Variants in SGCD observed in about 807,000 individuals in gnomAD.
SGCD encodes delta-sarcoglycan.
A neutral mutation model predicts 36.6 loss-of-function variants in SGCD; 18 were observed. That is an observed-to-expected ratio of 0.49 (90% CI 0.34 to 0.73). The LOEUF (loss-of-function observed/expected upper bound fraction) is 0.73. Ranked by LOEUF, SGCD falls within the 30% of genes least tolerant of loss-of-function variation. The pLI is 0.01. For missense variants in SGCD, 387 were observed against 346.7 expected (o/e 1.12, Z -0.92); for synonymous variants, 133 against 130.6 (o/e 1.02, Z -0.12).
intron 3 of SGCD, among the ~76,000 whole-genome samples, chr5:156,314,846 T>G (rs1412997113): frequency 6.6e-6 from 1 of 152,024 alleles, no homozygotes; most frequent in Non-Finnish European, 1.5e-5. Flanking sequence ...TTCCATTCAG[T>G]GCTTTATAAT....
chr5:156,132,925 GA>G (rs1762363113), intron 3 of SGCD, among the ~76,000 whole-genome samples: 2 of 152,198 alleles, frequency 1.3e-5, no homozygotes, highest in African/African-American at 4.8e-5. Context: ...GATTTCTTGT[GA>G]AAAGAGAAGA....
chr5:156,187,948 T>C (rs751404438), intron 3 of SGCD, among the ~76,000 whole-genome samples: 4 of 152,084 alleles, frequency 2.6e-5, no homozygotes, highest in Non-Finnish European at 5.9e-5. Context: ...TGGTGAGAAA[T>C]ATGTGTTCTT....
chr5:156,298,376 C>A (rs886535183), intron 3 of SGCD, among the ~76,000 whole-genome samples: 1 of 152,012 alleles, frequency 6.6e-6, no homozygotes, highest in Admixed American at 6.6e-5. Context: ...TTTACATTCC[C>A]ACCAACAGTG....
At chr5:156,147,053 A>C (rs1258429197) in intron 3 of SGCD, among the ~76,000 whole-genome samples, 1 of 152,204 alleles carries the variant, frequency 6.6e-6, no homozygotes, top group Non-Finnish European at 1.5e-5. Flanking sequence ...AATTAATGAA[A>C]ATAATAAGAA....
At chr5:156,444,115 T>TCTCTCTCTCC (rs1561699451) in intron 3 of SGCD, among the ~76,000 whole-genome samples, 1 of 72,798 alleles carries the variant, frequency 1.4e-5, no homozygotes, top group Non-Finnish European at 2.7e-5. Context: ...TCTCTCTCTC[T>TCTCTCTCTCC]CCCCTTCCCT....
At chr5:156,700,475 G>A (rs1356476351) in intron 7 of SGCD, among the ~76,000 whole-genome samples, 1 of 152,038 alleles carries the variant, frequency 6.6e-6, no homozygotes, top group Non-Finnish European at 1.5e-5. Context: ...CAGTTACCAG[G>A]ATAAACTGGC....
At chr5:156,000,799 C>CATATATAT (rs145379741) in intron 1 of SGCD, among the ~76,000 whole-genome samples, 1 of 145,212 alleles carries the variant, frequency 6.9e-6, no homozygotes, top group African/African-American at 2.7e-5. Flanking sequence ...TTTCCTCACA[C>CATATATAT]ATATATATAT....
At chr5:156,301,332 CTACT>C (rs1345275086) in intron 3 of SGCD, among the ~76,000 whole-genome samples, 1 of 151,994 alleles carries the variant, frequency 6.6e-6, no homozygotes, top group Non-Finnish European at 1.5e-5. Flanking sequence ...AAACTGATGA[CTACT>C]TAATGATTAC....
intron 1 of SGCD, among the ~76,000 whole-genome samples, chr5:155,886,988 T>C (rs972394565): frequency 6.6e-6 from 1 of 152,202 alleles, no homozygotes; most frequent in Non-Finnish European, 1.5e-5. Flanking sequence ...CTCTGCCATC[T>C]GAAACCTCCT....
At chr5:156,666,940 G>T (rs1753067357) in intron 7 of SGCD, among the ~76,000 whole-genome samples, 1 of 152,066 alleles carries the variant, frequency 6.6e-6, no homozygotes, top group Non-Finnish European at 1.5e-5. Flanking sequence ...GAGTGACTTT[G>T]TCTCAAAAAC....
chr5:155,951,908 C>A (rs1269769419), intron 1 of SGCD, among the ~76,000 whole-genome samples: 4 of 152,160 alleles, frequency 2.6e-5, no homozygotes, highest in African/African-American at 7.2e-5. Flanking sequence ...CTAATGAACC[C>A]ATATGTCCTC....
chr5:156,279,246 T>A (rs1185308959), intron 3 of SGCD, among the ~76,000 whole-genome samples: 1 of 152,208 alleles, frequency 6.6e-6, no homozygotes, highest in African/African-American at 2.4e-5. Flanking sequence ...AGTTCTTTTT[T>A]GTAAGTTTCT....
intron 3 of SGCD, among the ~76,000 whole-genome samples, chr5:156,437,590 A>T (rs1208497169): frequency 1.3e-5 from 2 of 152,182 alleles, no homozygotes; most frequent in Non-Finnish European, 2.9e-5. Context: ...TGATTGAACA[A>T]TGCAAACAGT....
At chr5:156,640,717 A>G (rs1015880776) in intron 6 of SGCD, among the ~76,000 whole-genome samples, 2 of 152,348 alleles carry the variant, frequency 1.3e-5, no homozygotes, top group South Asian at 2.1e-4. Context: ...TAGGCTCTAC[A>G]TAAATATTTG....
chr5:155,996,510 G>A (rs902435240), intron 1 of SGCD, among the ~76,000 whole-genome samples: 2 of 152,158 alleles, frequency 1.3e-5, no homozygotes, highest in African/African-American at 4.8e-5. Context: ...GGGCGCGGTG[G>A]CTCACGCCTG....
At chr5:156,072,671 T>C (rs1206799394) in intron 1 of SGCD, among the ~76,000 whole-genome samples, 3 of 152,234 alleles carry the variant, frequency 2.0e-5, no homozygotes, top group Non-Finnish European at 4.4e-5. Context: ...AATCTGAATG[T>C]TGGCCTGCCT....
chr5:156,408,819 G>A (rs1022953356), intron 3 of SGCD, among the ~76,000 whole-genome samples: 4 of 152,188 alleles, frequency 2.6e-5, no homozygotes, highest in Non-Finnish European at 5.9e-5. Context: ...GAAAGAAGTT[G>A]AAATTGAGAG....
At chr5:155,887,796 T>A (rs1353680582) in intron 1 of SGCD, among the ~76,000 whole-genome samples, 1 of 152,202 alleles carries the variant, frequency 6.6e-6, no homozygotes, top group African/African-American at 2.4e-5. Flanking sequence ...CTTCTCTCCA[T>A]CAATTATTCA....
chr5:156,257,430 C>T (rs181930918), intron 3 of SGCD, among the ~76,000 whole-genome samples: 1 of 151,930 alleles, frequency 6.6e-6, no homozygotes, highest in Admixed American at 6.6e-5. Context: ...GCAGAGATGG[C>T]GACAATGCAC....
Sources: allele counts gnomAD v4.1 joint callset (sites outside exome capture counted in the v4.1 genomes callset), GRCh38; gene constraint gnomAD v4.1.1; transcripts MANE v1.5; gene names NCBI Gene and HGNC (gene_info 2026-07-23, HGNC 2026-07-21).